The following ARHGAP23 variants were observed in gnomAD, a reference collection of about 807,000 sequenced individuals.
ARHGAP23 encodes the protein rho GTPase-activating protein 23.
A neutral mutation model predicts 136.3 loss-of-function variants in ARHGAP23; 34 were observed. The observed-to-expected ratio is 0.25, with a 90% CI of 0.19 to 0.33. ARHGAP23 has a LOEUF of 0.33. Among genes scored for constraint, ARHGAP23 ranks in the 10% least tolerant of loss-of-function variants. ARHGAP23 has a pLI of 1.00. For synonymous variants in ARHGAP23, 832 were observed against 920.5 expected, an observed-to-expected ratio of 0.90 and a Z score of 1.74; for missense variants, 1,808 against 2,139.0, an observed-to-expected ratio of 0.85 and a Z score of 3.05.
At chr17:38,484,753 G>A (rs1393782957) in intron 16 of ARHGAP23, among the ~76,000 whole-genome samples, 2 of 152,148 alleles carry the variant, frequency 1.3e-5, no homozygotes, top group Non-Finnish European at 2.9e-5. Context: ...CCAGCTGGGG[G>A]CATACGAGGT....
At position 38,510,782 on chromosome 17, in the gene ARHGAP23, G is replaced by GC; in HGVS notation, c.4292dup (p.Glu1432GlyfsTer10). The GC allele has an allele frequency of 2.0e-6, 3 of 1,498,788 alleles. No individual in the cohort carries two copies. The highest frequency in any genetic ancestry group is 2.7e-6 in the Non-Finnish European group (3 of 1,126,482). 92.8% of individuals were successfully genotyped at this position (1,498,788 alleles called of 1,614,324 possible). A position where few individuals can be genotyped will look rare whatever the true frequency, so the allele number is the denominator to read the frequency against. On this transcript the variant is annotated frameshift_variant, in exon 24 of 24. Coordinates refer to ENST00000622683, the MANE Select transcript of ARHGAP23 (RefSeq NM_001199417.2). LOFTEE classifies it high-confidence loss of function. The surrounding 1 kb of genome is among the most constrained non-coding windows in gnomAD (Gnocchi z 4.6). ...GAGTGGAAGGAGCTGGGCGGAGGGG[G>GC]CCCCCCGGAGCCTGCGGGCGCGCGG...
At chr17:38,489,753 T>A (rs1173892088) in intron 17 of ARHGAP23, 1 of 244,484 alleles carries the variant, frequency 4.1e-6, no homozygotes, top group South Asian at 8.7e-5. Flanking sequence ...CCTCCTCCTC[T>A]CCAGGTGCCC....
At chr17:38,473,511 A>T (rs553633137) in intron 11 of ARHGAP23, among the ~76,000 whole-genome samples, 9 of 152,268 alleles carry the variant, frequency 5.9e-5, no homozygotes, top group African/African-American at 2.2e-4. Flanking sequence ...TCTGTGGAGA[A>T]TGACTAAGGC....
At chr17:38,461,158 A>G (rs1260406042) in intron 3 of ARHGAP23, among the ~76,000 whole-genome samples, 1 of 151,882 alleles carries the variant, frequency 6.6e-6, no homozygotes, top group Non-Finnish European at 1.5e-5. Context: ...TCCCTTGGGC[A>G]TTTCCTCCAC....
chr17:38,463,528 TG>T (rs1310138159), intron 6 of ARHGAP23, 146 bp downstream of exon 6: 9 of 989,210 alleles, frequency 9.1e-6, no homozygotes, highest in Non-Finnish European at 1.4e-5. Context: ...GGGCTGGGGC[TG>T]GTTGTTGCTT....
intron 1 of ARHGAP23, among the ~76,000 whole-genome samples, chr17:38,445,826 G>T (rs897395035): frequency 6.6e-6 from 1 of 151,794 alleles, no homozygotes; most frequent in South Asian, 2.1e-4. Context: ...TAGAGACAGG[G>T]TTTCACCGTG....
Position 38,510,664 on chromosome 17 carries a change from C to A in ARHGAP23, c.4168C>A (p.Arg1390=). ...ADDMLAVRLR[R]PLSPETRRRR... Reference sequence around the variant, plus strand: ...CGACATGCTCGCCGTGCGCCTGCGGCGGCCGCTGTCGCCCGAGACCCGGCG... The same window carrying A: ...CGACATGCTCGCCGTGCGCCTGCGGAGGCCGCTGTCGCCCGAGACCCGGCG... The change falls in exon 24 of 24, where the codon CGG becomes AGG. Residue 1390 remains arginine, a synonymous_variant. Transcript: ENST00000622683. This position sits in a 1 kb window ranked among gnomAD's most constrained non-coding sequence, Gnocchi z 4.6. The A allele has an allele frequency of 7.2e-7, 1 of 1,387,274 alleles. No homozygotes were observed. Among genetic ancestry groups the A allele is most frequent in the Non-Finnish European group, 9.3e-7 (1 of 1,079,192 alleles). 85.9% of individuals were successfully genotyped at this position (1,387,274 alleles called of 1,614,324 possible).
At chr17:38,431,740 G>T (rs913382775) in intron 1 of ARHGAP23, among the ~76,000 whole-genome samples, 4 of 152,196 alleles carry the variant, frequency 2.6e-5, no homozygotes, top group South Asian at 4.1e-4. Context: ...GGGTGATCGT[G>T]TCCAACTCTG....
At chr17:38,449,648 C>T (rs1018927475) in intron 1 of ARHGAP23, among the ~76,000 whole-genome samples, 3 of 152,126 alleles carry the variant, frequency 2.0e-5, no homozygotes, top group Non-Finnish European at 2.9e-5. Context: ...GCCTGGGATG[C>T]ACGGATCTGT....
upstream of ARHGAP23, among the ~76,000 whole-genome samples, chr17:38,424,659 C>A (rs1190485696): frequency 6.6e-6 from 1 of 152,154 alleles, no homozygotes; most frequent in Non-Finnish European, 1.5e-5. Context: ...AGAAGATGGA[C>A]CCACGGTTTA....
At chr17:38,503,300 G>A (rs2040560679) in intron 23 of ARHGAP23, among the ~76,000 whole-genome samples, 1 of 152,178 alleles carries the variant, frequency 6.6e-6, no homozygotes, top group African/African-American at 2.4e-5. Flanking sequence ...TTTCCTCAGC[G>A]AAGTGGAAGG....
At chr17:38,467,372 G>T (rs2039636133) in intron 7 of ARHGAP23, 41 bp downstream of exon 7, 2 of 1,448,258 alleles carry the variant, frequency 1.4e-6, no homozygotes, top group East Asian at 5.0e-5. Context: ...GGACTTAGCT[G>T]TCGGCTGTCT....
At chr17:38,469,767 C>A (rs531712882) in intron 9 of ARHGAP23, 80 bp from the exon 10 acceptor site, 25 of 1,524,396 alleles carry the variant, frequency 1.6e-5, no homozygotes, top group Admixed American at 9.9e-5. Context: ...GGCTTCTGGG[C>A]TTGGGGTTTG....
upstream of ARHGAP23, among the ~76,000 whole-genome samples, chr17:38,428,182 T>C (rs902852699): frequency 6.6e-6 from 1 of 152,178 alleles, no homozygotes; most frequent in Non-Finnish European, 1.5e-5. Flanking sequence ...GCCGGTCCCT[T>C]AGAGGCCGGG....
chr17:38,469,829 T>A lies in ARHGAP23; in HGVS notation c.1917-18T>A, dbSNP rs752248169. ...GCTTTGCTGCCCACATCCCTCACCCTCGACCCTCGCTTTCCAGGCGCCTGC... is the reference window on the plus strand; with the variant it reads ...GCTTTGCTGCCCACATCCCTCACCCACGACCCTCGCTTTCCAGGCGCCTGC... On this transcript the variant is annotated intron_variant, in intron 9 of 23. Transcript: ENST00000622683. The A allele has an allele frequency of 6.4e-7, 1 of 1,551,568 alleles. No homozygotes were observed. The highest frequency in any genetic ancestry group is 1.2e-5 in the South Asian group (1 of 84,060).
chr17:38,497,191 C>T (rs563334209), intron 20 of ARHGAP23, among the ~76,000 whole-genome samples: 1 of 152,212 alleles, frequency 6.6e-6, no homozygotes, highest in African/African-American at 2.4e-5. Flanking sequence ...ATATATTAAA[C>T]TGTGGGGGTC....
chr17:38,443,899 G>C (rs1597754430), intron 1 of ARHGAP23, among the ~76,000 whole-genome samples: 1 of 152,118 alleles, frequency 6.6e-6, no homozygotes, highest in African/African-American at 2.4e-5. Flanking sequence ...AAGCACTCCT[G>C]GGGGGCGGGG....
intron 11 of ARHGAP23, among the ~76,000 whole-genome samples, chr17:38,473,829 G>C (rs1407504366): frequency 6.6e-6 from 1 of 152,192 alleles, no homozygotes; most frequent in African/African-American, 2.4e-5. Context: ...GCCAGGGCGA[G>C]AGGTGGAAGA....
Position 38,466,895 on chromosome 17 carries a change from C to T in ARHGAP23, c.1212C>T (p.Pro404=). 1 of 1,550,300 alleles carries T rather than the reference C, an allele frequency of 6.5e-7. No individual in the cohort carries two copies. Among genetic ancestry groups the T allele is most frequent in the Middle Eastern group, 1.7e-4 (1 of 5,992 alleles). ...TRDLPGPQAP[P]PSGLQGLDDL... is the part of the protein sequence containing the mutation. Reference sequence around the variant, plus strand: ...ACCTGCCAGGGCCCCAGGCCCCACCCCCGTCTGGCCTGCAGGGCCTGGATG... The same window carrying T: ...ACCTGCCAGGGCCCCAGGCCCCACCTCCGTCTGGCCTGCAGGGCCTGGATG... Residue 404 remains proline, a synonymous_variant, in exon 7 of 24, where the codon CCC becomes CCT. Transcript: ENST00000622683.
Sources: gnomAD v4.1 joint callset for allele counts (sites outside exome capture counted in the v4.1 genomes callset) on GRCh38, gnomAD v4.1.1 for gene constraint, Gnocchi (gnomAD v3.1) non-coding constraint, MANE v1.5 for transcripts, NCBI Gene and HGNC (gene_info 2026-07-23, HGNC 2026-07-21) for gene names.